The following NIBAN3 variants were observed in gnomAD, a reference collection of about 807,000 sequenced individuals.
The protein encoded by NIBAN3 is protein Niban 3.
In NIBAN3, 66 loss-of-function variants were observed where a neutral mutation model predicts 76.4. The observed-to-expected ratio is 0.86, with a 90% CI of 0.71 to 1.06. The LOEUF is 1.06. NIBAN3 is among the 50% of genes least tolerant of loss of function. The probability of loss-of-function intolerance (pLI) is 0.00; values close to 1 mark genes in which losing one functional copy is unlikely to be tolerated. For missense variants in NIBAN3, 808 were observed against 810.7 expected (o/e 1.00, Z 0.04); for synonymous variants, 360 against 355.2 (o/e 1.01, Z -0.15).
At chr19:17,529,792 G>T (rs144728491) in intron 1 of NIBAN3, among the ~76,000 whole-genome samples, 62 of 152,312 alleles carry the variant, frequency 4.1e-4, no homozygotes, top group Middle Eastern at 3.4e-3. Context: ...GTGAAGGTGT[G>T]GCTCAATCTG....
intron 5 of NIBAN3, 139 bp downstream of exon 5, chr19:17,537,682 A>T (rs1007332402): frequency 3.9e-6 from 3 of 761,834 alleles, no homozygotes; most frequent in Admixed American, 6.6e-5. Flanking sequence ...GTGGTGGTTC[A>T]TGCCTGTAAT....
In NIBAN3 at chr19:17,542,160, TGGG is replaced by T. The variant is rs2075965087; in HGVS notation, c.1196_1198del (p.Trp399_Asp400delinsTyr). On this transcript the variant is annotated inframe_deletion, in exon 10 of 15. Transcript: ENST00000599164. The surrounding 1 kb of genome is among the most constrained non-coding windows in gnomAD (Gnocchi z 4.8). ...GGTTTACTCATTTGGGGAGATGCCG[TGGG>T]ACTTGGCGCTGATGCAGACATGCTA... 6.2e-7 allele frequency: 1 copy of T among 1,613,936 alleles called. No homozygotes were observed. Among genetic ancestry groups the T allele is most frequent in the South Asian group, 1.1e-5 (1 of 91,084 alleles).
chr19:17,546,484 G>C, intron 12 of NIBAN3: 1 of 1,018,252 alleles, frequency 9.8e-7, no homozygotes, highest in Non-Finnish European at 1.2e-6. Context: ...CAAAGTGCTG[G>C]GATTACAGGC....
Position 17,539,610 on chromosome 19 carries a change from A to G in NIBAN3, c.824A>G (p.Asp275Gly). 6.4e-7 allele frequency: 1 copy of G among 1,552,392 alleles called. No homozygotes were observed. The highest frequency in any genetic ancestry group is 8.7e-7 in the Non-Finnish European group (1 of 1,144,042). The stretch of plus-strand genomic sequence containing the variant: ...CTCGACCGGTCTGGGCAGCTTCTAG[A>G]CGCCGTTCACGCAGCTGTCCTGGCC... The part of the protein sequence containing the change: ...ARAWAWTELL[D>G]AVHAAVLAGA... The change falls in exon 8 of 15, where the codon GAC (aspartate) becomes GGC (glycine). Residue 275 changes from aspartate (D) to glycine (G), a missense_variant. Physicochemically the swap from Asp to Gly is moderately conservative, Grantham distance 94. Coordinates refer to ENST00000599164, the MANE Select transcript of NIBAN3 (RefSeq NM_001321827.2).
intron 5 of NIBAN3, among the ~76,000 whole-genome samples, chr19:17,538,719 G>A (rs1018300462): frequency 9.5e-6 from 1 of 105,672 alleles, no homozygotes; most frequent in Non-Finnish European, 2.0e-5. Flanking sequence ...GAGAAAGAAA[G>A]AAGAAAGAAA....
At chr19:17,523,849 C>T (rs146899808), upstream of NIBAN3, among the ~76,000 whole-genome samples, 497 of 152,284 alleles carry the variant, frequency 3.3e-3, 6 homozygotes, top group African/African-American at 0.011. Flanking sequence ...GCCCGCTGCC[C>T]GGTATCTCCT....
chr19:17,540,617 A>G, intron 9 of NIBAN3, 35 bp downstream of exon 9: 1 of 1,373,362 alleles, frequency 7.3e-7, no homozygotes. Flanking sequence ...AGTGAGCCAG[A>G]GGGTGATGTG....
At chr19:17,523,522 G>A (rs2075576977), upstream of NIBAN3, 1 of 1,431,242 alleles carries the variant, frequency 7.0e-7, no homozygotes, top group South Asian at 1.3e-5. Context: ...AGGGCAGGAG[G>A]CCGTGGCCCC....
intron 12 of NIBAN3, 90 bp from the exon 13 acceptor site, chr19:17,546,596 T>G: frequency 7.6e-7 from 1 of 1,311,106 alleles, no homozygotes; most frequent in Non-Finnish European, 9.7e-7. Context: ...CCACAGCTAA[T>G]CAGGCCCAGG....
At chr19:17,523,387 C>T, upstream of NIBAN3, 1 of 1,523,250 alleles carries the variant, frequency 6.6e-7, no homozygotes, top group Non-Finnish European at 8.9e-7. Context: ...GTGAAGTTTG[C>T]TTCAACGTCT....
chr19:17,527,011 C>G (rs1467469864), upstream of NIBAN3, among the ~76,000 whole-genome samples: 9 of 152,222 alleles, frequency 5.9e-5, no homozygotes, highest in African/African-American at 2.2e-4. Context: ...TCCCCCTGTT[C>G]CAGCCCCCAT....
upstream of NIBAN3, among the ~76,000 whole-genome samples, chr19:17,523,873 T>C (rs1241573511): frequency 6.6e-6 from 1 of 152,148 alleles, no homozygotes; most frequent in East Asian, 1.9e-4. Flanking sequence ...CTGCAGCTTT[T>C]TGCATGGCTT....
At chr19:17,528,849 G>T (rs1442807364) in intron 1 of NIBAN3, among the ~76,000 whole-genome samples, 1 of 151,726 alleles carries the variant, frequency 6.6e-6, no homozygotes, top group African/African-American at 2.4e-5. Context: ...TGTTTTTTTG[G>T]TTTTTGGGTC....
chr19:17,539,484 CG>C lies in NIBAN3; in HGVS notation c.816+36del. The C allele has an allele frequency of 4.1e-6, 6 of 1,455,426 alleles. No individual in the cohort carries two copies. In the South Asian group the frequency reaches 8.5e-5, roughly 21 times the overall value. The allele number at this position is 1,455,426 out of a possible 1,614,324, so 90.2% of individuals were successfully genotyped here. On this transcript the variant is annotated intron_variant, in intron 7 of 14. Transcript: ENST00000599164. The stretch of plus-strand genomic sequence containing the variant: ...CGGCGTCCGGATCCGGGATAGGGGG[CG>C]GGATGCGGGCGTTCGGGTTCCCCTC...
At chr19:17,549,806 ATCTCTC>A (rs144647053) in intron 14 of NIBAN3, 14 of 373,286 alleles carry the variant, frequency 3.8e-5, no homozygotes, top group East Asian at 1.1e-4. Context: ...TTTGTGTCCC[ATCTCTC>A]TCTCTCTCTC....
At chr19:17,539,833 T>A in intron 8 of NIBAN3, 68 bp downstream of exon 8, 1 of 1,256,608 alleles carries the variant, frequency 8.0e-7, no homozygotes, top group Non-Finnish European at 1.1e-6. Flanking sequence ...GGGCGTGACC[T>A]AAGCGAAGAA....
chr19:17,527,046 G>A (rs113321749), upstream of NIBAN3, among the ~76,000 whole-genome samples: 4 of 152,218 alleles, frequency 2.6e-5, no homozygotes, highest in African/African-American at 9.6e-5. Flanking sequence ...GGCCGGTCCT[G>A]CCAGATGTCT....
chr19:17,543,037 T>G (rs533142282), intron 10 of NIBAN3, among the ~76,000 whole-genome samples: 11 of 152,320 alleles, frequency 7.2e-5, no homozygotes, highest in African/African-American at 2.4e-4. Flanking sequence ...TGGAGGAGGC[T>G]GAACTCTGGC....
At chr19:17,525,421 C>T (rs80185659), upstream of NIBAN3, among the ~76,000 whole-genome samples, 1,279 of 152,298 alleles carry the variant, frequency 8.4e-3, 27 homozygotes, top group African/African-American at 0.029. Context: ...TGCTCTGTGC[C>T]AGGCACAAAA....
Sources: gnomAD v4.1 joint callset for allele counts (sites outside exome capture counted in the v4.1 genomes callset) on GRCh38, gnomAD v4.1.1 for gene constraint, Gnocchi (gnomAD v3.1) non-coding constraint, MANE v1.5 for transcripts, NCBI Gene and HGNC (gene_info 2026-07-23, HGNC 2026-07-21) for gene names.